Variants in LRP1B observed in about 807,000 individuals in gnomAD.
LRP1B encodes the protein low-density lipoprotein receptor-related protein 1B.
In LRP1B, 217 loss-of-function variants were observed where a neutral mutation model predicts 556.6. That is an observed-to-expected ratio of 0.39 (90% CI 0.35 to 0.44). LRP1B has a LOEUF of 0.44. LRP1B is among the 20% of genes least tolerant of loss of function. The pLI is 1.00. For synonymous variants in LRP1B, 2,047 were observed against 1,865.8 expected (o/e 1.10, Z -2.50); for missense variants, 5,053 against 5,620.8 (o/e 0.90, Z 3.23).
chr2:141,925,356 A>G (rs1454912801), intron 1 of LRP1B, among the ~76,000 whole-genome samples: 3 of 152,198 alleles, frequency 2.0e-5, no homozygotes, highest in Admixed American at 6.5e-5. Flanking sequence ...TTATAAGACT[A>G]TAATATTACA....
intron 1 of LRP1B, among the ~76,000 whole-genome samples, chr2:142,057,274 C>T (rs923945543): frequency 6.6e-6 from 1 of 152,074 alleles, no homozygotes; most frequent in Admixed American, 6.6e-5. Flanking sequence ...ATAACCATTT[C>T]TTGTTTCATT....
chr2:141,481,520 G>A (rs1016459362), intron 2 of LRP1B, among the ~76,000 whole-genome samples: 1 of 152,108 alleles, frequency 6.6e-6, no homozygotes, highest in African/African-American at 2.4e-5. Flanking sequence ...GAATCCATGC[G>A]ACATTAATTG....
At chr2:141,262,491 G>A (rs576377608) in intron 3 of LRP1B, among the ~76,000 whole-genome samples, 8 of 151,908 alleles carry the variant, frequency 5.3e-5, no homozygotes, top group East Asian at 3.9e-4. Context: ...ATCCTGCTTC[G>A]GGAGTTCTAA....
chr2:140,982,360 T>TC, intron 17 of LRP1B, 84 bp from the exon 18 acceptor site: 1 of 821,392 alleles, frequency 1.2e-6, no homozygotes, highest in African/African-American at 1.7e-5. Context: ...AATATTCCTT[T>TC]CATACATAAG....
At chr2:141,599,605 A>G (rs1340016292) in intron 2 of LRP1B, among the ~76,000 whole-genome samples, 2 of 152,120 alleles carry the variant, frequency 1.3e-5, no homozygotes. Context: ...TGAACCTTCT[A>G]TTTTTCGATA....
chr2:142,091,710 T>C (rs963580458), intron 1 of LRP1B, among the ~76,000 whole-genome samples: 1 of 152,092 alleles, frequency 6.6e-6, no homozygotes, highest in African/African-American at 2.4e-5. Flanking sequence ...TTTGTTCAGG[T>C]AGACAATGTG....
At chr2:140,798,654 C>T (rs1477505386) in intron 32 of LRP1B, among the ~76,000 whole-genome samples, 1 of 152,114 alleles carries the variant, frequency 6.6e-6, no homozygotes, top group Non-Finnish European at 1.5e-5. Flanking sequence ...CTGTCCTGTC[C>T]CTGTGCCTTG....
At chr2:141,746,969 T>G (rs140627787) in intron 2 of LRP1B, among the ~76,000 whole-genome samples, 1,396 of 129,876 alleles carry the variant, frequency 0.011, 13 homozygotes, top group Middle Eastern at 0.051. Context: ...GAAAATAATT[T>G]TGATGAGCGT....
intron 2 of LRP1B, among the ~76,000 whole-genome samples, chr2:141,779,991 G>C (rs983059089): frequency 6.7e-6 from 1 of 149,546 alleles, no homozygotes; most frequent in African/African-American, 2.5e-5. Context: ...ACTGTCTTTG[G>C]TCATGCTTCA....
chr2:140,896,689 C>G (rs1194516098), intron 23 of LRP1B, among the ~76,000 whole-genome samples: 1 of 152,048 alleles, frequency 6.6e-6, no homozygotes, highest in Non-Finnish European at 1.5e-5. Flanking sequence ...CTTATGTTGA[C>G]CAGGCTGTCT....
intron 52 of LRP1B, among the ~76,000 whole-genome samples, chr2:140,508,439 A>C (rs1022712368): frequency 1.3e-5 from 2 of 152,112 alleles, no homozygotes; most frequent in African/African-American, 4.8e-5. Context: ...TGAACAAATA[A>C]ATCTCTCCCT....
rs1033090385 is a variant in LRP1B at position 141,819,235 on chromosome 2, T to TCAAA, written c.83-8838_83-8835dup. ...CCTAGGCACAGAGTGAGACTCCATC[T>TCAAA]CAAACAAACAAACAAACAAACAAAA... On this transcript the variant is annotated intron_variant, in intron 1 of 90. Transcript: ENST00000389484. Among the ~76,000 whole-genome samples, 440 of 151,226 alleles carry TCAAA rather than the reference T, an allele frequency of 2.9e-3. 1 individual carries two copies. The highest frequency in any genetic ancestry group is 9.9e-3 in the African/African-American group (406 of 41,120).
At chr2:142,113,378 C>T (rs1000556508) in intron 1 of LRP1B, among the ~76,000 whole-genome samples, 3 of 151,844 alleles carry the variant, frequency 2.0e-5, no homozygotes, top group South Asian at 2.1e-4. Context: ...TTAGTAATTC[C>T]ATATCTATAA....
chr2:141,047,605 T>G (rs1698912993), intron 11 of LRP1B, among the ~76,000 whole-genome samples: 1 of 152,154 alleles, frequency 6.6e-6, no homozygotes, highest in African/African-American at 2.4e-5. Context: ...CATTATTCTT[T>G]GACTCAAAAG....
chr2:141,957,063 T>G (rs72852545), intron 1 of LRP1B, among the ~76,000 whole-genome samples: 3,140 of 152,196 alleles, frequency 0.021, 57 homozygotes, highest in Non-Finnish European at 0.032. Context: ...GAATCTAGAC[T>G]TAATACTCCT....
At chr2:140,973,935 T>C (rs111348365) in intron 18 of LRP1B, among the ~76,000 whole-genome samples, 6 of 152,240 alleles carry the variant, frequency 3.9e-5, no homozygotes, top group South Asian at 2.1e-4. Flanking sequence ...AATAAGATTA[T>C]TAAAATTCAA....
intron 7 of LRP1B, among the ~76,000 whole-genome samples, chr2:141,101,384 A>T (rs958934554): frequency 4.6e-5 from 7 of 152,160 alleles, no homozygotes; most frequent in African/African-American, 1.7e-4. Context: ...ACATGAGTCT[A>T]TTATACTGAA....
intron 66 of LRP1B, among the ~76,000 whole-genome samples, chr2:140,404,049 T>A (rs903820779): frequency 6.6e-6 from 1 of 151,520 alleles, no homozygotes; most frequent in African/African-American, 2.4e-5. Flanking sequence ...AAAAATAAAA[T>A]CATTTTTAAA....
At chr2:140,993,558 T>G (rs1445132308) in intron 16 of LRP1B, among the ~76,000 whole-genome samples, 1 of 152,088 alleles carries the variant, frequency 6.6e-6, no homozygotes, top group Non-Finnish European at 1.5e-5. Flanking sequence ...AACCCATGTC[T>G]GTTTCCTTGG....
Sources: gnomAD v4.1 joint callset for allele counts (sites outside exome capture counted in the v4.1 genomes callset) on GRCh38, gnomAD v4.1.1 for gene constraint, MANE v1.5 for transcripts, NCBI Gene and HGNC (gene_info 2026-07-23, HGNC 2026-07-21) for gene names.